The following UBE3D variants were observed in gnomAD, a reference collection of about 807,000 sequenced individuals.
UBE3D encodes the protein E3 ubiquitin-protein ligase E3D.
UBE3D carries 48 observed loss-of-function variants against 49.6 expected under a neutral mutation model. That is an observed-to-expected ratio of 0.97 (90% confidence interval 0.77 to 1.23). The LOEUF is 1.23. Among genes scored for constraint, UBE3D ranks in the 50% most tolerant of loss-of-function variants. The pLI, the probability that UBE3D is intolerant of heterozygous loss-of-function variation, is 0.00. For synonymous variants in UBE3D, 189 were observed against 174.2 expected (o/e 1.08, Z -0.67); for missense variants, 452 against 468.4 (o/e 0.96, Z 0.32).
chr6:83,047,502 A>G (rs1008316893), intron 3 of UBE3D, among the ~76,000 whole-genome samples: 7 of 152,208 alleles, frequency 4.6e-5, no homozygotes, highest in African/African-American at 1.7e-4. Flanking sequence ...TGTACCTGGA[A>G]CTACGTCGTG....
At chr6:83,024,624 T>C (rs1329889648) in intron 5 of UBE3D, among the ~76,000 whole-genome samples, 1 of 152,168 alleles carries the variant, frequency 6.6e-6, no homozygotes, top group Non-Finnish European at 1.5e-5. Context: ...GAGATGGACC[T>C]GAGTTAAAAC....
chr6:82,897,293 T>C (rs1771399283), intron 9 of UBE3D, among the ~76,000 whole-genome samples: 1 of 152,072 alleles, frequency 6.6e-6, no homozygotes. Flanking sequence ...CCTTATATTA[T>C]AAAATCCAGT....
intron 9 of UBE3D, among the ~76,000 whole-genome samples, chr6:82,911,196 CAAAAA>C (rs1156620624): frequency 2.5e-5 from 1 of 39,340 alleles, no homozygotes; most frequent in Non-Finnish European, 4.7e-5. Flanking sequence ...AACATTTTGG[CAAAAA>C]AAAAAAAAAA....
In UBE3D at chr6:83,056,272, A is replaced by G. The variant is rs1049879652; in HGVS notation, c.274+1554T>C. 3.3e-5 allele frequency among the ~76,000 whole-genome samples: 5 copies of G among 152,154 alleles called. No individual in the cohort carries two copies. In the East Asian group the frequency reaches 7.7e-4, roughly 23 times the overall value. On this transcript the variant is annotated intron_variant, in intron 2 of 9. Coordinates refer to ENST00000369747, the MANE Select transcript of UBE3D (RefSeq NM_198920.3). ...CTATTCCTCCATCTCTAAAATCACA[A>G]TCCCAGAAAACACTCCACTGTGGCT... is the stretch of plus-strand genomic sequence containing the variant.
chr6:83,028,511 G>A (rs1235962631), intron 5 of UBE3D, among the ~76,000 whole-genome samples: 3 of 152,074 alleles, frequency 2.0e-5, no homozygotes, highest in African/African-American at 7.2e-5. Context: ...CCCTCACTGT[G>A]AGGGCACAAC....
intron 9 of UBE3D, among the ~76,000 whole-genome samples, chr6:82,924,141 C>A (rs1165164270): frequency 6.6e-6 from 1 of 151,660 alleles, no homozygotes; most frequent in African/African-American, 2.4e-5. Flanking sequence ...CCACAAATGG[C>A]AGCCATTAAA....
chr6:82,901,359 T>C (rs1771721482), intron 9 of UBE3D, among the ~76,000 whole-genome samples: 1 of 152,196 alleles, frequency 6.6e-6, no homozygotes, highest in Non-Finnish European at 1.5e-5. Flanking sequence ...GGAAACACTT[T>C]CAAATAGTCC....
At chr6:82,943,929 G>A (rs921048695) in intron 9 of UBE3D, among the ~76,000 whole-genome samples, 4 of 152,122 alleles carry the variant, frequency 2.6e-5, no homozygotes, top group Non-Finnish European at 5.9e-5. Flanking sequence ...GGAGCATGCA[G>A]ATCAACCCTA....
At chr6:82,887,651 G>A (rs996414976), downstream of UBE3D, among the ~76,000 whole-genome samples, 16 of 151,172 alleles carry the variant, frequency 1.1e-4, no homozygotes, top group African/African-American at 2.2e-4. Context: ...GGAGGTTGCG[G>A]TGAGCGAAGA....
chr6:83,035,740 T>C lies in UBE3D; in HGVS notation c.667+2676A>G, dbSNP rs112064816. On this transcript the variant is annotated intron_variant, in intron 5 of 9. Transcript: ENST00000369747. ...TAGTGGACCCTTTCAGTCAAGAAAC[T>C]GAAGTCCTAGCTCTGGAAAATAGAC... Among the ~76,000 whole-genome samples the C allele has an allele frequency of 9.6e-3, 1,465 of 152,314 alleles. 22 individuals are homozygous for C. The highest frequency in any genetic ancestry group is 0.034 in the African/African-American group (1,394 of 41,582).
At chr6:82,932,956 G>T (rs921641954) in intron 9 of UBE3D, among the ~76,000 whole-genome samples, 6 of 152,086 alleles carry the variant, frequency 3.9e-5, no homozygotes, top group Non-Finnish European at 5.9e-5. Context: ...CTAGTTGTCT[G>T]TTATAAAGAA....
chr6:82,906,757 A>G (rs990213077), intron 9 of UBE3D, among the ~76,000 whole-genome samples: 1 of 152,166 alleles, frequency 6.6e-6, no homozygotes, highest in African/African-American at 2.4e-5. Context: ...TGCAGCAAGA[A>G]AACACCCTGC....
chr6:83,057,981 A>G lies in UBE3D; in HGVS notation c.119T>C (p.Met40Thr), dbSNP rs1174636360. Residue 40 changes from methionine (M) to threonine (T), a missense_variant, in exon 2 of 10, where the codon ATG (methionine) becomes ACG (threonine). Physicochemically the swap from Met to Thr is moderately conservative, Grantham distance 81 (BLOSUM62 -1). Transcript: ENST00000369747. ...EGGMPMNISI[M>T]PSSLQMKTPE... The stretch of plus-strand genomic sequence containing the variant: ...GGTTTTCATCTGGAGTGAAGATGGC[A>G]TTATGGAAATATTCATGGGCATACC... The G allele has an allele frequency of 6.2e-7, 1 of 1,614,194 alleles. No individual in the cohort carries two copies. The highest frequency in any genetic ancestry group is 1.3e-5 in the African/African-American group (1 of 75,050).
intron 9 of UBE3D, among the ~76,000 whole-genome samples, chr6:82,935,304 C>T (rs1018321746): frequency 3.3e-5 from 5 of 152,022 alleles, no homozygotes; most frequent in African/African-American, 1.2e-4. Context: ...GCTCACTTAT[C>T]ACCAAGGAGC....
chr6:82,901,537 G>A (rs1399016322), intron 9 of UBE3D, among the ~76,000 whole-genome samples: 2 of 152,182 alleles, frequency 1.3e-5, no homozygotes, highest in South Asian at 2.1e-4. Context: ...TGCCTGCTAG[G>A]TTTGAGAGCT....
intron 1 of UBE3D, among the ~76,000 whole-genome samples, chr6:83,060,720 T>C (rs1298031698): frequency 2.6e-5 from 4 of 152,138 alleles, no homozygotes; most frequent in African/African-American, 4.8e-5. Context: ...CTGGAACATG[T>C]TGCTGGAACA....
chr6:82,906,695 A>G (rs1389068213), intron 9 of UBE3D, among the ~76,000 whole-genome samples: 1 of 152,136 alleles, frequency 6.6e-6, no homozygotes, highest in East Asian at 1.9e-4. Flanking sequence ...TCATGTATAC[A>G]CATAAGACAA....
At chr6:83,010,668 G>A (rs1412479512) in intron 8 of UBE3D, among the ~76,000 whole-genome samples, 1 of 152,182 alleles carries the variant, frequency 6.6e-6, no homozygotes, top group East Asian at 1.9e-4. Flanking sequence ...AAGCTGAGGA[G>A]CAAGGAAGCT....
downstream of UBE3D, among the ~76,000 whole-genome samples, chr6:82,889,558 A>G (rs997344117): frequency 1.3e-5 from 2 of 152,208 alleles, no homozygotes; most frequent in Non-Finnish European, 1.5e-5. Context: ...ATGGAATTGA[A>G]TTATTTTAAC....
Sources: allele counts gnomAD v4.1 joint callset (sites outside exome capture counted in the v4.1 genomes callset), GRCh38; gene constraint gnomAD v4.1.1; transcripts MANE v1.5; gene names NCBI Gene and HGNC (gene_info 2026-07-23, HGNC 2026-07-21).